The following RAD54L2 variants were observed in gnomAD, a reference collection of about 807,000 sequenced individuals.
RAD54L2 encodes RAD54 like 2.
In RAD54L2, 27 loss-of-function variants were observed where a neutral mutation model predicts 138.4. The ratio of observed to expected loss-of-function variants is 0.20; its 90% confidence interval spans 0.14 to 0.27. The LOEUF (loss-of-function observed/expected upper bound fraction) is 0.27, where lower values mean the gene tolerates loss of function less well. Ranked by LOEUF, RAD54L2 falls within the 10% of genes least tolerant of loss-of-function variation. The probability of loss-of-function intolerance (pLI) is 1.00; values close to 1 mark genes in which losing one functional copy is unlikely to be tolerated. For missense variants in RAD54L2, 1,396 were observed against 1,890.2 expected, an observed-to-expected ratio of 0.74 and a Z score of 4.85; for synonymous variants, 644 against 723.2, an observed-to-expected ratio of 0.89 and a Z score of 1.76.
At position 51,637,242 on chromosome 3, in the gene RAD54L2, G is replaced by T; in HGVS notation, c.1421G>T (p.Ser474Ile). The part of the protein sequence containing the change: ...EGHRIKNCQA[S>I]TSQALKNIRS... ...CACCGCATCAAAAACTGCCAGGCCAGCACCTCACAGGCTCTGAAGAATATC... is the reference window on the plus strand; with the variant it reads ...CACCGCATCAAAAACTGCCAGGCCATCACCTCACAGGCTCTGAAGAATATC... Residue 474 changes from serine (S) to isoleucine (I), a missense_variant, in exon 11 of 23, where the codon AGC (serine) becomes ATC (isoleucine). By Grantham distance (142) the Ser-to-Ile change is moderately radical (BLOSUM62 -2). Transcript: ENST00000684192. This position sits in a 1 kb window ranked among gnomAD's most constrained non-coding sequence, Gnocchi z 5.9. 1 of 1,599,422 alleles carries T rather than the reference G, an allele frequency of 6.3e-7. No individual in the cohort carries two copies. The highest frequency in any genetic ancestry group is 8.5e-7 in the Non-Finnish European group (1 of 1,173,012).
chr3:51,589,886 C>T (rs1032395278), intron 2 of RAD54L2, among the ~76,000 whole-genome samples: 3 of 152,096 alleles, frequency 2.0e-5, no homozygotes, highest in Admixed American at 1.3e-4. Context: ...TGCAGAGTCA[C>T]TAAAACATGT....
intron 3 of RAD54L2, among the ~76,000 whole-genome samples, chr3:51,623,917 C>T (rs542391790): frequency 3.6e-5 from 5 of 139,342 alleles, no homozygotes; most frequent in African/African-American, 5.4e-5. Flanking sequence ...GTGGAGCTTA[C>T]AGTGATCCGA....
chr3:51,549,604 C>T (rs897903322), intron 2 of RAD54L2, among the ~76,000 whole-genome samples: 1 of 151,870 alleles, frequency 6.6e-6, no homozygotes, highest in African/African-American at 2.4e-5. Flanking sequence ...GTGGTGAAAC[C>T]TCATCTCTAC....
intron 3 of RAD54L2, among the ~76,000 whole-genome samples, chr3:51,591,595 G>T (rs1028316705): frequency 6.6e-6 from 1 of 152,178 alleles, no homozygotes; most frequent in African/African-American, 2.4e-5. Context: ...GCGGGGAAAT[G>T]ACCATTCACT....
chr3:51,656,508 T>C (rs557606258), intron 20 of RAD54L2, among the ~76,000 whole-genome samples: 1 of 152,240 alleles, frequency 6.6e-6, no homozygotes, highest in Non-Finnish European at 1.5e-5. Context: ...TGTAGACCCA[T>C]CTGGGTATAA....
intron 2 of RAD54L2, among the ~76,000 whole-genome samples, chr3:51,585,647 G>C (rs1049968980): frequency 6.6e-6 from 1 of 152,248 alleles, no homozygotes; most frequent in East Asian, 1.9e-4. Context: ...TCACTCTCAC[G>C]ATTGCTATGA....
chr3:51,610,203 C>T (rs545628682), intron 3 of RAD54L2, among the ~76,000 whole-genome samples: 1 of 152,232 alleles, frequency 6.6e-6, no homozygotes, highest in East Asian at 1.9e-4. Flanking sequence ...TGCACTATAA[C>T]ATAAGACTTT....
intron 2 of RAD54L2, among the ~76,000 whole-genome samples, chr3:51,563,827 T>A (rs1051956169): frequency 6.6e-6 from 1 of 152,190 alleles, no homozygotes; most frequent in Admixed American, 6.5e-5. Context: ...GATTAGTTAT[T>A]AGGTGGTAGA....
rs201797103 is a variant in RAD54L2, at chr3:51,660,012, G to A, written c.3317-14G>A. Reference sequence around the variant, plus strand: ...ATGTCTGCCTCTAACTGTCTTCTTCGTGTCTATTCTTAGGGACGTACATCC... The same window carrying A: ...ATGTCTGCCTCTAACTGTCTTCTTCATGTCTATTCTTAGGGACGTACATCC... On this transcript the variant is annotated splice_polypyrimidine_tract_variant and intron_variant, in intron 21 of 22. Transcript: ENST00000684192. 2,068 of 1,561,182 alleles carry A rather than the reference G, an allele frequency of 1.3e-3. 4 individuals are homozygous for A. The highest frequency in any genetic ancestry group is 1.6e-3 in the Non-Finnish European group (1,803 of 1,139,978).
intron 3 of RAD54L2, among the ~76,000 whole-genome samples, chr3:51,618,996 T>C (rs1288161863): frequency 6.6e-6 from 1 of 152,168 alleles, no homozygotes; most frequent in African/African-American, 2.4e-5. Flanking sequence ...AGGTATGCCT[T>C]TAAGATCTTC....
At position 51,590,489 on chromosome 3, in the gene RAD54L2, A is replaced by AGAGGAG. The variant is rs757041129; in HGVS notation, c.86_91dup (p.Glu29_Glu30dup). ...CGGACGTGGAGCTGGAGGATGCGGA[A>AGAGGAG]GAGGAGGAGGAGGAGGAGGAGGTGG... is the stretch of plus-strand genomic sequence containing the variant. On this transcript the variant is annotated inframe_insertion, in exon 3 of 23. Coordinates refer to ENST00000684192, the MANE Select transcript of RAD54L2 (RefSeq NM_015106.4). 1.5e-5 allele frequency: 24 copies of AGAGGAG among 1,550,748 alleles called. No homozygotes were observed. Among genetic ancestry groups the AGAGGAG allele is most frequent in the Admixed American group, 1.2e-4 (6 of 50,940 alleles).
chr3:51,622,828 G>A (rs1313540048), intron 3 of RAD54L2, among the ~76,000 whole-genome samples: 1 of 152,214 alleles, frequency 6.6e-6, no homozygotes, highest in Non-Finnish European at 1.5e-5. Flanking sequence ...GGACAGGAAA[G>A]TGGTTGTTGG....
intron 2 of RAD54L2, among the ~76,000 whole-genome samples, chr3:51,589,086 A>G (rs551030829): frequency 6.6e-6 from 1 of 152,332 alleles, no homozygotes; most frequent in African/African-American, 2.4e-5. Flanking sequence ...ACCTGCGATT[A>G]TATACAACTG....
At chr3:51,579,370 C>G (rs1241198390) in intron 2 of RAD54L2, among the ~76,000 whole-genome samples, 1 of 152,130 alleles carries the variant, frequency 6.6e-6, no homozygotes, top group Non-Finnish European at 1.5e-5. Context: ...GGCCATGGTT[C>G]CAGGCTTGAG....
At chr3:51,632,881 A>G (rs951585087) in intron 7 of RAD54L2, among the ~76,000 whole-genome samples, 7 of 149,668 alleles carry the variant, frequency 4.7e-5, no homozygotes, top group Non-Finnish European at 8.9e-5. Flanking sequence ...TGACGGAGCA[A>G]GACTCCGTCT....
At chr3:51,581,010 A>G (rs1289066220) in intron 2 of RAD54L2, among the ~76,000 whole-genome samples, 3 of 152,262 alleles carry the variant, frequency 2.0e-5, no homozygotes, top group Non-Finnish European at 2.9e-5. Context: ...AGGAAAAACT[A>G]TAGAAACAAC....
At chr3:51,633,367 G>A (rs1219500679) in intron 7 of RAD54L2, among the ~76,000 whole-genome samples, 1 of 152,188 alleles carries the variant, frequency 6.6e-6, no homozygotes, top group African/African-American at 2.4e-5. Flanking sequence ...GTGTTACACT[G>A]TACTAGTGAA....
chr3:51,655,226 C>CA (rs1370147188), intron 19 of RAD54L2, among the ~76,000 whole-genome samples: 2 of 151,734 alleles, frequency 1.3e-5, no homozygotes, highest in Non-Finnish European at 2.9e-5. Flanking sequence ...TTTCCCCCTC[C>CA]AGGCCCAAAG....
intron 2 of RAD54L2, among the ~76,000 whole-genome samples, chr3:51,576,270 T>C (rs530226552): frequency 6.6e-5 from 10 of 152,336 alleles, no homozygotes; most frequent in Admixed American, 1.3e-4. Flanking sequence ...TGAGGATTTT[T>C]GCATCGATGT....
Sources: allele counts gnomAD v4.1 joint callset (sites outside exome capture counted in the v4.1 genomes callset), GRCh38; gene constraint gnomAD v4.1.1; non-coding constraint Gnocchi (gnomAD v3.1); transcripts MANE v1.5; gene names NCBI Gene and HGNC (gene_info 2026-07-23, HGNC 2026-07-21).